FHIT: variants seen among roughly 807,000 people sequenced by gnomAD.
FHIT encodes the protein bis(5'-adenosyl)-triphosphatase.
In FHIT, 19 loss-of-function variants were observed where a neutral mutation model predicts 17.9. That is an observed-to-expected ratio of 1.06 (90% CI 0.74 to 1.56). The LOEUF (loss-of-function observed/expected upper bound fraction) is 1.56, where lower values mean the gene tolerates loss of function less well. Ranked by LOEUF, FHIT falls within the 40% of genes most tolerant of loss-of-function variation. The pLI, the probability that FHIT is intolerant of heterozygous loss-of-function variation, is 0.00. For synonymous variants in FHIT, 81 were observed against 69.7 expected (o/e 1.16, Z -0.81); for missense variants, 248 against 189.2 (o/e 1.31, Z -1.82).
chr3:60,701,790 G>C (rs1002055824), intron 4 of FHIT, among the ~76,000 whole-genome samples: 1 of 152,156 alleles, frequency 6.6e-6, no homozygotes, highest in Non-Finnish European at 1.5e-5. Flanking sequence ...TATAAAGGCA[G>C]TCTAGTCCCC....
chr3:60,385,916 C>G (rs943889935), intron 5 of FHIT, among the ~76,000 whole-genome samples: 1 of 152,156 alleles, frequency 6.6e-6, no homozygotes, highest in Non-Finnish European at 1.5e-5. Context: ...GAGATTAACC[C>G]TACCCTGGGG....
chr3:60,543,034 G>C (rs919675037), intron 4 of FHIT, among the ~76,000 whole-genome samples: 4 of 152,138 alleles, frequency 2.6e-5, no homozygotes, highest in African/African-American at 9.7e-5. Flanking sequence ...ACAGGAATAA[G>C]TCTAGACTCC....
intron 4 of FHIT, among the ~76,000 whole-genome samples, chr3:60,783,805 G>A (rs1166947240): frequency 6.6e-6 from 1 of 152,184 alleles, no homozygotes; most frequent in Non-Finnish European, 1.5e-5. Flanking sequence ...ACCCACAGGG[G>A]AGCACACAGG....
chr3:60,749,738 A>G (rs1165435939), intron 4 of FHIT, among the ~76,000 whole-genome samples: 1 of 152,240 alleles, frequency 6.6e-6, no homozygotes, highest in East Asian at 1.9e-4. Context: ...TGATCAGTGC[A>G]GGAAATGCAA....
At chr3:61,231,492 C>CA (rs1198851171) in intron 1 of FHIT, among the ~76,000 whole-genome samples, 10 of 134,784 alleles carry the variant, frequency 7.4e-5, no homozygotes, top group Non-Finnish European at 9.6e-5. Flanking sequence ...CGGTCTCTTA[C>CA]GGAAAAAAAA....
intron 2 of FHIT, among the ~76,000 whole-genome samples, chr3:61,181,998 C>T (rs2038358878): frequency 6.6e-6 from 1 of 152,164 alleles, no homozygotes; most frequent in Admixed American, 6.5e-5. Context: ...CCAACATAAG[C>T]ATTTAATGAG....
chr3:60,459,080 C>G (rs1008293232), intron 5 of FHIT, among the ~76,000 whole-genome samples: 1 of 152,132 alleles, frequency 6.6e-6, no homozygotes, highest in Non-Finnish European at 1.5e-5. Context: ...CAGTGCCCAG[C>G]CCATTTTTAT....
At chr3:60,522,795 G>C (rs1414100196) in intron 5 of FHIT, among the ~76,000 whole-genome samples, 1 of 152,182 alleles carries the variant, frequency 6.6e-6, no homozygotes, top group African/African-American at 2.4e-5. Context: ...TTTACCTCAA[G>C]AATTGATGCT....
chr3:60,062,722 T>C (rs1362158278), intron 5 of FHIT, among the ~76,000 whole-genome samples: 1 of 152,162 alleles, frequency 6.6e-6, no homozygotes, highest in Non-Finnish European at 1.5e-5. Flanking sequence ...GTAAGGGAGA[T>C]GACCTAACAT....
intron 2 of FHIT, among the ~76,000 whole-genome samples, chr3:61,143,892 G>A (rs2037155932): frequency 6.6e-6 from 1 of 151,998 alleles, no homozygotes; most frequent in South Asian, 2.1e-4. Context: ...AAACAAAACT[G>A]CAGATCTGTT....
intron 5 of FHIT, among the ~76,000 whole-genome samples, chr3:60,235,592 T>C (rs116279701): frequency 6.6e-6 from 1 of 152,150 alleles, no homozygotes; most frequent in Non-Finnish European, 1.5e-5. Context: ...AAGGAAACAT[T>C]GTATACAGAC....
rs1294168148 is a variant in FHIT, at chr3:61,002,485, C to T, written c.-111+39562G>A. ...CTATGTTGCCCTAGCTGGTTTCAAACTCCTGGGCTCAAGTGATCCTCCCAC... is the reference window on the plus strand; with the variant it reads ...CTATGTTGCCCTAGCTGGTTTCAAATTCCTGGGCTCAAGTGATCCTCCCAC... On this transcript the variant is annotated intron_variant, in intron 3 of 9. Coordinates refer to ENST00000492590, the MANE Select transcript of FHIT (RefSeq NM_002012.4). Among the ~76,000 whole-genome samples the T allele has an allele frequency of 1.3e-5, 2 of 152,120 alleles. 1 individual carries two copies. The highest frequency in any genetic ancestry group is 1.3e-4 in the Admixed American group (2 of 15,260).
At chr3:60,924,302 A>G (rs1707458247) in intron 3 of FHIT, among the ~76,000 whole-genome samples, 1 of 151,942 alleles carries the variant, frequency 6.6e-6, no homozygotes, top group African/African-American at 2.4e-5. Flanking sequence ...ACTGGCAGGC[A>G]CCCCCCAGTA....
chr3:59,947,542 G>A (rs1706874975), intron 7 of FHIT, among the ~76,000 whole-genome samples: 2 of 152,086 alleles, frequency 1.3e-5, no homozygotes, highest in South Asian at 2.1e-4. Flanking sequence ...GATGCTCTGA[G>A]GGTTTGATTA....
intron 5 of FHIT, among the ~76,000 whole-genome samples, chr3:60,132,874 C>A (rs1576173079): frequency 6.6e-6 from 1 of 152,094 alleles, no homozygotes; most frequent in Non-Finnish European, 1.5e-5. Context: ...CATCTAACAC[C>A]TTTTATCACA....
chr3:61,039,518 C>T (rs1350093731), intron 3 of FHIT, among the ~76,000 whole-genome samples: 1 of 152,156 alleles, frequency 6.6e-6, no homozygotes, highest in African/African-American at 2.4e-5. Context: ...GAATACTACA[C>T]AGCCATAAAA....
chr3:60,789,301 G>A (rs1388172527), intron 4 of FHIT, among the ~76,000 whole-genome samples: 1 of 151,832 alleles, frequency 6.6e-6, no homozygotes, highest in Non-Finnish European at 1.5e-5. Flanking sequence ...GGTAGATCAC[G>A]AGGTCAAGAG....
intron 2 of FHIT, among the ~76,000 whole-genome samples, chr3:61,185,143 T>C (rs2038468200): frequency 1.3e-5 from 2 of 152,222 alleles, no homozygotes; most frequent in South Asian, 4.1e-4. Flanking sequence ...CATATGTTCA[T>C]AAGCTTTCCT....
intron 2 of FHIT, among the ~76,000 whole-genome samples, chr3:61,110,096 C>T (rs905724775): frequency 4.6e-5 from 7 of 152,138 alleles, no homozygotes; most frequent in African/African-American, 1.7e-4. Flanking sequence ...CAGGTAACAT[C>T]CCTCCTCTGG....
Sources: gnomAD v4.1 joint callset for allele counts (sites outside exome capture counted in the v4.1 genomes callset) on GRCh38, gnomAD v4.1.1 for gene constraint, MANE v1.5 for transcripts, NCBI Gene and HGNC (gene_info 2026-07-23, HGNC 2026-07-21) for gene names.